Variants in MROH2A observed in about 807,000 individuals in gnomAD.
The protein encoded by MROH2A is maestro heat-like repeat-containing protein family member 2A.
MROH2A carries 174 observed loss-of-function variants against 200.4 expected under a neutral mutation model. The ratio of observed to expected loss-of-function variants is 0.87; its 90% confidence interval spans 0.77 to 0.98. The LOEUF (loss-of-function observed/expected upper bound fraction) is 0.98. Among genes scored for constraint, MROH2A ranks in the 50% least tolerant of loss-of-function variants. The pLI, the probability that MROH2A is intolerant of heterozygous loss-of-function variation, is 0.00. For missense variants in MROH2A, 2,045 were observed against 2,139.6 expected (o/e 0.96, Z 0.87); for synonymous variants, 829 against 840.4 (o/e 0.99, Z 0.23).
chr2:233,798,011 G>A lies in MROH2A; in HGVS notation c.1253-763G>A, dbSNP rs545258190. 9.2e-5 allele frequency among the ~76,000 whole-genome samples: 14 copies of A among 152,220 alleles called. No homozygotes were observed. In the South Asian group the frequency reaches 2.9e-3, roughly 32 times the overall value. ...CTCTCAATTGTCTCATGCTCACTTG[G>A]TGCCTGACTGCCACCTTGTACCTGC... is the stretch of plus-strand genomic sequence containing the variant. On this transcript the variant is annotated intron_variant, in intron 11 of 41. Transcript: ENST00000389758.
intron 35 of MROH2A, among the ~76,000 whole-genome samples, chr2:233,824,582 C>T (rs780889104): frequency 5.3e-5 from 8 of 152,202 alleles, no homozygotes; most frequent in South Asian, 2.1e-4. Context: ...TGCTGGAATC[C>T]GAGGGCCTGG....
chr2:233,787,665 T>TATATATATTATATATATCATATATAC lies in MROH2A; in HGVS notation c.277-1816_277-1815insTCATATATACATATATATTATATATA. 9.2e-5 allele frequency among the ~76,000 whole-genome samples: 7 copies of TATATATATTATATATATCATATATAC among 75,898 alleles called. 2 individuals are homozygous for TATATATATTATATATATCATATATAC. The highest frequency in any genetic ancestry group is 3.9e-4 in the South Asian group (1 of 2,548). The allele number at this position is 75,898 out of a possible 152,430, so 49.8% of individuals were successfully genotyped here. On this transcript the variant is annotated intron_variant, in intron 3 of 41. Coordinates refer to ENST00000389758, the MANE Select transcript of MROH2A (RefSeq NM_001394639.1). Reference sequence around the variant, plus strand: ...ATATATATCATATATACATATATATTATATATATTATATATACATATATAT... The same window carrying TATATATATTATATATATCATATATAC: ...ATATATATCATATATACATATATATTATATATATTATATATATCATATATACATATATATTATATATACATATATAT...
chr2:233,811,727 A>G (rs1397109017), intron 23 of MROH2A, among the ~76,000 whole-genome samples, 153 bp from the exon 24 acceptor site: 12 of 152,250 alleles, frequency 7.9e-5, no homozygotes, highest in Admixed American at 7.8e-4. Context: ...GCCTCCCCTA[A>G]GATGCCAAAA....
At chr2:233,818,307 G>C (rs1248212040) in intron 28 of MROH2A, among the ~76,000 whole-genome samples, 182 bp downstream of exon 28, 1 of 152,192 alleles carries the variant, frequency 6.6e-6, no homozygotes, top group African/African-American at 2.4e-5. Flanking sequence ...GGCCATGGAA[G>C]CTTCCAGAAG....
At chr2:233,819,275 A>G in intron 29 of MROH2A, 42 bp from the exon 30 acceptor site, 2 of 1,532,204 alleles carry the variant, frequency 1.3e-6, no homozygotes, top group Non-Finnish European at 1.8e-6. Flanking sequence ...GCAGTCATGG[A>G]GTGGCAGGGG....
intron 38 of MROH2A, among the ~76,000 whole-genome samples, chr2:233,830,692 G>C (rs1484423284): frequency 1.3e-5 from 2 of 152,046 alleles, no homozygotes; most frequent in East Asian, 1.9e-4. Flanking sequence ...GGCAGTGAGG[G>C]GGATTGAGAT....
At chr2:233,823,378 T>C (rs1284371991) in intron 34 of MROH2A, among the ~76,000 whole-genome samples, 178 bp from the exon 35 acceptor site, 2 of 152,230 alleles carry the variant, frequency 1.3e-5, no homozygotes, top group Non-Finnish European at 2.9e-5. Flanking sequence ...ACTGATTCAC[T>C]GACAACCTCA....
At chr2:233,803,196 C>T (rs1053770028) in intron 15 of MROH2A, among the ~76,000 whole-genome samples, 2 of 152,172 alleles carry the variant, frequency 1.3e-5, no homozygotes, top group Non-Finnish European at 2.9e-5. Context: ...CTACAAAATG[C>T]GCATGGCCTG....
intron 3 of MROH2A, among the ~76,000 whole-genome samples, chr2:233,788,142 T>G (rs1208439767): frequency 9.1e-6 from 1 of 109,552 alleles, no homozygotes; most frequent in African/African-American, 3.6e-5. Context: ...TTTATATATA[T>G]ATAATATATA....
At chr2:233,777,220 T>C (rs1700736552), upstream of MROH2A, among the ~76,000 whole-genome samples, 1 of 152,212 alleles carries the variant, frequency 6.6e-6, no homozygotes, top group African/African-American at 2.4e-5. Context: ...TCACTTTTCA[T>C]GTGTTGAGTC....
At chr2:233,826,579 G>T (rs1012102599) in intron 35 of MROH2A, among the ~76,000 whole-genome samples, 6 of 152,104 alleles carry the variant, frequency 3.9e-5, no homozygotes, top group African/African-American at 1.5e-4. Context: ...ACTCAAGATG[G>T]ATTAAAGACT....
intron 6 of MROH2A, 108 bp from the exon 7 acceptor site, chr2:233,793,557 AGCCTGCTC>A: frequency 9.9e-7 from 1 of 1,008,194 alleles, no homozygotes; most frequent in Non-Finnish European, 1.3e-6. Flanking sequence ...GGCAGGGTGC[AGCCTGCTC>A]GCTACGGCAA....
intron 3 of MROH2A, among the ~76,000 whole-genome samples, chr2:233,785,587 C>A (rs901175001): frequency 1.3e-5 from 2 of 151,886 alleles, no homozygotes; most frequent in African/African-American, 2.4e-5. Flanking sequence ...CAGAGGGAGT[C>A]AGGGGAAATT....
intron 1 of MROH2A, among the ~76,000 whole-genome samples, 170 bp from the exon 2 acceptor site, chr2:233,779,175 C>T (rs550362010): frequency 9.2e-5 from 14 of 152,234 alleles, no homozygotes; most frequent in African/African-American, 2.9e-4. Flanking sequence ...GTAATCCACT[C>T]GAGAGAGGGT....
Position 233,800,304 on chromosome 2 carries a change from G to A in MROH2A, c.1549G>A (p.Gly517Arg). Reference protein sequence around the residue: ...TVKIITSSVSGMTTEFWVRLL... With the variant: ...TVKIITSSVSRMTTEFWVRLL... ...GAAGATCATTACCTCTTCTGTCAGT[G>A]GGATGACCACCGTGAGTGGGCCCTG... The change falls in exon 14 of 42, where the codon GGG becomes AGG. Residue 517 changes from glycine (G) to arginine (R), a missense_variant. By Grantham distance (125) the Gly-to-Arg change is moderately radical. Around this residue, in one of 3 missense-constraint regions of MROH2A, gnomAD observed 831 missense variants for 800.0 expected, o/e 1.04. Coordinates refer to ENST00000389758, the MANE Select transcript of MROH2A (RefSeq NM_001394639.1). 3 of 1,547,186 alleles carry A rather than the reference G, an allele frequency of 1.9e-6. No homozygotes were observed. Among genetic ancestry groups the A allele is most frequent in the Non-Finnish European group, 2.6e-6 (3 of 1,145,082 alleles).
intron 18 of MROH2A, 72 bp from the exon 19 acceptor site, chr2:233,804,932 A>T (rs1702694508): frequency 4.8e-6 from 4 of 840,754 alleles, no homozygotes; most frequent in Non-Finnish European, 7.6e-6. Flanking sequence ...GTCCCGTAGC[A>T]TTCCCAGAGC....
At chr2:233,798,496 G>T (rs1307757725) in intron 11 of MROH2A, among the ~76,000 whole-genome samples, 1 of 152,160 alleles carries the variant, frequency 6.6e-6, no homozygotes, top group Non-Finnish European at 1.5e-5. Context: ...CCAGCTGCAG[G>T]ACACTAAAGA....
At position 233,829,072 on chromosome 2, in the gene MROH2A, C is replaced by T. The variant is rs1574618681; in HGVS notation, c.4446C>T (p.Asn1482=). ...MSEQCRIFFD[N]ESELLRLKAF... ...AGCAGTGCAGGATCTTCTTCGACAA[C>T]GTGAGTCCGATGAGAGCCTCCCTGA... The change falls in exon 37 of 42, where the codon AAC becomes AAT. Residue 1482 remains asparagine (N), a splice_region_variant and synonymous_variant. Transcript: ENST00000389758. The T allele has an allele frequency of 3.3e-6, 5 of 1,508,088 alleles. No homozygotes were observed. In the South Asian group the frequency reaches 3.9e-5, roughly 12 times the overall value. 93.4% of individuals were successfully genotyped at this position (1,508,088 alleles called of 1,614,324 possible). A position where few individuals can be genotyped will look rare whatever the true frequency, so the allele number is the denominator to read the frequency against.
intron 6 of MROH2A, 40 bp from the exon 7 acceptor site, chr2:233,793,633 C>A: frequency 1.5e-6 from 2 of 1,339,730 alleles, no homozygotes; most frequent in Non-Finnish European, 1.9e-6. Flanking sequence ...TGCTTCCAGC[C>A]CCTCTGGCGC....
Sources: gnomAD v4.1 joint callset for allele counts (sites outside exome capture counted in the v4.1 genomes callset) on GRCh38, gnomAD v4.1.1 for gene constraint, gnomAD v4.1.1 regional missense constraint, MANE v1.5 for transcripts, NCBI Gene and HGNC (gene_info 2026-07-23, HGNC 2026-07-21) for gene names.